Variants in COL27A1 observed in about 807,000 individuals in gnomAD.
COL27A1 encodes collagen type XXVII alpha 1 chain, also known as collagen alpha-1(XXVII) chain.
A neutral mutation model predicts 251.3 loss-of-function variants in COL27A1; 106 were observed. The observed-to-expected ratio is 0.42, with a 90% CI of 0.36 to 0.50. The LOEUF (loss-of-function observed/expected upper bound fraction) is 0.50. Ranked by LOEUF, COL27A1 falls within the 20% of genes least tolerant of loss-of-function variation. The pLI, the probability that COL27A1 is intolerant of heterozygous loss-of-function variation, is 0.00. For missense variants in COL27A1, 2,325 were observed against 2,522.8 expected (o/e 0.92, Z 1.68); for synonymous variants, 1,000 against 986.3 (o/e 1.01, Z -0.26).
intron 4 of COL27A1, among the ~76,000 whole-genome samples, chr9:114,182,189 T>TAATAATAATAAA (rs1554792781): frequency 2.2e-5 from 3 of 139,056 alleles, no homozygotes; most frequent in Non-Finnish European, 4.7e-5. Flanking sequence ...ATAATAATAA[T>TAATAATAATAAA]AAAATAATAA....
At chr9:114,260,846 C>T (rs977334171) in intron 28 of COL27A1, among the ~76,000 whole-genome samples, 17 of 152,184 alleles carry the variant, frequency 1.1e-4, no homozygotes, top group Admixed American at 7.2e-4. Flanking sequence ...GAGCCTTTCT[C>T]CCACCTGCTC....
intron 14 of COL27A1, among the ~76,000 whole-genome samples, chr9:114,228,356 C>T (rs906238251): frequency 6.6e-6 from 1 of 152,220 alleles, no homozygotes; most frequent in African/African-American, 2.4e-5. Flanking sequence ...CAGCAGAGCC[C>T]GCCTCTGTTT....
intron 10 of COL27A1, among the ~76,000 whole-genome samples, chr9:114,207,476 C>G (rs1256117957): frequency 6.6e-6 from 1 of 152,242 alleles, no homozygotes; most frequent in African/African-American, 2.4e-5. Flanking sequence ...CAGCCCCAGT[C>G]CTGATCTCCT....
At chr9:114,221,212 A>AC (rs1831087246) in intron 13 of COL27A1, among the ~76,000 whole-genome samples, 1 of 151,974 alleles carries the variant, frequency 6.6e-6, no homozygotes, top group African/African-American at 2.4e-5. Flanking sequence ...CTCTTTGGAG[A>AC]AGGGAACAGG....
In COL27A1 at chr9:114,276,904, C is replaced by G. The variant is rs138598232; in HGVS notation, c.3717+1136C>G. ...TGCCCAATGCTTTCTCGAAGGTTCC[C>G]TCTTTGATACCGATAGCAACCCCTG... On this transcript the variant is annotated intron_variant, in intron 37 of 60. Coordinates refer to ENST00000356083, the MANE Select transcript of COL27A1 (RefSeq NM_032888.4). Among the ~76,000 whole-genome samples the G allele has an allele frequency of 2.4e-4, 37 of 152,336 alleles. No homozygotes were observed. The East Asian group carries it at 6.8e-3, about 28-fold the overall frequency.
intron 37 of COL27A1, among the ~76,000 whole-genome samples, chr9:114,276,470 T>C (rs1835513963): frequency 1.3e-5 from 2 of 152,182 alleles, no homozygotes; most frequent in South Asian, 4.1e-4. Flanking sequence ...TCAGGCATGG[T>C]GGCGCATGCC....
chr9:114,308,833 C>A (rs1829244054), intron 59 of COL27A1, among the ~76,000 whole-genome samples: 1 of 152,210 alleles, frequency 6.6e-6, no homozygotes, highest in African/African-American at 2.4e-5. Context: ...TCCGGCAGCA[C>A]CCCATCGCAC....
At chr9:114,251,509 T>A (rs914585417) in intron 25 of COL27A1, among the ~76,000 whole-genome samples, 4 of 152,182 alleles carry the variant, frequency 2.6e-5, no homozygotes, top group Non-Finnish European at 4.4e-5. Context: ...TAAATTTAAC[T>A]TTTTATTTTG....
In COL27A1 at chr9:114,290,150, G is replaced by GCC; in HGVS notation, c.4260+41_4260+42dup. 2.5e-6 allele frequency: 4 copies of GCC among 1,593,520 alleles called. No individual in the cohort carries two copies. Among genetic ancestry groups the GCC allele is most frequent in the Non-Finnish European group, 3.4e-6 (4 of 1,165,388 alleles). Reference sequence around the variant, plus strand: ...GCTGCTGTTTCCAGCCAACCTCCCTGCCCGCCCCCCACACCCGCCCTCCTC... The same window carrying GCC: ...GCTGCTGTTTCCAGCCAACCTCCCTGCCCCCGCCCCCCACACCCGCCCTCCTC... On this transcript the variant is annotated intron_variant, in intron 46 of 60. Transcript: ENST00000356083. The surrounding 1 kb of genome is among the most constrained non-coding windows in gnomAD (Gnocchi z 4.6).
intron 27 of COL27A1, among the ~76,000 whole-genome samples, chr9:114,257,684 T>C (rs1834021942): frequency 6.6e-6 from 1 of 152,050 alleles, no homozygotes; most frequent in South Asian, 2.1e-4. Context: ...CCTCTCCTTC[T>C]CTCTTTCTTG....
chr9:114,307,553 G>A, intron 58 of COL27A1, 116 bp from the exon 59 acceptor site: 1 of 744,112 alleles, frequency 1.3e-6, no homozygotes. Flanking sequence ...CACCCACCCT[G>A]ACTTCATGCT....
At position 114,245,152 on chromosome 9, in the gene COL27A1, T is replaced by TGTTTTG. The variant is rs200019697; in HGVS notation, c.2935-714_2935-713insGTTTTG. On this transcript the variant is annotated intron_variant, in intron 23 of 60. Transcript: ENST00000356083. ...GCAGTGGGAATGTGCATTCTTGTTT[T>TGTTTTG]TTTTTTTTTTTTTTTTTTTTTTTTG... Among the ~76,000 whole-genome samples the TGTTTTG allele has an allele frequency of 9.5e-5, 12 of 126,698 alleles. 1 individual carries two copies. Among genetic ancestry groups the TGTTTTG allele is most frequent in the East Asian group, 9.3e-4 (4 of 4,284 alleles). 83.1% of individuals were successfully genotyped at this position (126,698 alleles called of 152,430 possible).
chr9:114,270,639 C>A, intron 35 of COL27A1, 89 bp from the exon 36 acceptor site: 1 of 1,033,138 alleles, frequency 9.7e-7, no homozygotes, highest in Admixed American at 2.0e-5. Flanking sequence ...GGGTCAGGGT[C>A]CTGCCCCAGG....
chr9:114,156,039 T>A (rs1380026464), intron 1 of COL27A1, 27 bp downstream of exon 1: 2 of 1,296,062 alleles, frequency 1.5e-6, no homozygotes, highest in Non-Finnish European at 9.8e-7. Context: ...GGACGCCCCC[T>A]CCCTAGCTTC....
chr9:114,220,005 G>A (rs558949075), intron 13 of COL27A1, among the ~76,000 whole-genome samples, 161 bp downstream of exon 13: 5 of 152,050 alleles, frequency 3.3e-5, no homozygotes, highest in Middle Eastern at 3.2e-3. Context: ...GTCTCTAAAC[G>A]CTAGGCTCCT....
chr9:114,182,532 A>G (rs1321465043), intron 4 of COL27A1, among the ~76,000 whole-genome samples: 1 of 152,078 alleles, frequency 6.6e-6, no homozygotes, highest in Non-Finnish European at 1.5e-5. Context: ...GGCAAACGCA[A>G]CGAGGAGAGA....
chr9:114,239,268 G>A (rs1342777346), intron 19 of COL27A1, among the ~76,000 whole-genome samples: 1 of 152,260 alleles, frequency 6.6e-6, no homozygotes, highest in African/African-American at 2.4e-5. Context: ...TTCTCACTTA[G>A]AGATGGGCCC....
chr9:114,228,414 G>A (rs187605508), intron 14 of COL27A1, among the ~76,000 whole-genome samples: 17 of 152,326 alleles, frequency 1.1e-4, no homozygotes, highest in African/African-American at 2.4e-4. Flanking sequence ...GGCTGCCTTC[G>A]TCCAGGAAAG....
chr9:114,264,266 C>G, intron 28 of COL27A1, 89 bp from the exon 29 acceptor site: 1 of 1,044,584 alleles, frequency 9.6e-7, no homozygotes, highest in Admixed American at 3.0e-5. Context: ...AGGGGAAGGC[C>G]CCAGGCTTGG....
Sources: gnomAD v4.1 joint callset for allele counts (sites outside exome capture counted in the v4.1 genomes callset) on GRCh38, gnomAD v4.1.1 for gene constraint, Gnocchi (gnomAD v3.1) non-coding constraint, MANE v1.5 for transcripts, NCBI Gene and HGNC (gene_info 2026-07-23, HGNC 2026-07-21) for gene names.